The following LRRC4C variants were observed in gnomAD, a reference collection of about 807,000 sequenced individuals.
LRRC4C encodes leucine-rich repeat-containing protein 4C.
Under a neutral mutation model 33.6 loss-of-function variants are expected in LRRC4C, and 5 were observed. That is an observed-to-expected ratio of 0.15 (90% CI 0.08 to 0.31). The LOEUF is 0.31. Ranked by LOEUF, LRRC4C falls within the 10% of genes least tolerant of loss-of-function variation. LRRC4C has a pLI of 1.00. For missense variants in LRRC4C, 560 were observed against 796.7 expected, an observed-to-expected ratio of 0.70 and a Z score of 3.58; for synonymous variants, 329 against 302.0, an observed-to-expected ratio of 1.09 and a Z score of -0.93.
intron 3 of LRRC4C, among the ~76,000 whole-genome samples, chr11:40,355,411 T>C (rs981622320): frequency 6.6e-6 from 1 of 152,250 alleles, no homozygotes; most frequent in Middle Eastern, 3.4e-3. Flanking sequence ...ATTATAACCC[T>C]TGTAGCCTAA....
chr11:40,911,875 C>T (rs181177500), intron 2 of LRRC4C, among the ~76,000 whole-genome samples: 49 of 152,266 alleles, frequency 3.2e-4, no homozygotes, highest in Admixed American at 3.3e-4. Flanking sequence ...CTGAAAACCA[C>T]GGCACAAGAA....
intron 2 of LRRC4C, among the ~76,000 whole-genome samples, chr11:40,857,692 A>T (rs1565140083): frequency 6.6e-6 from 1 of 152,258 alleles, no homozygotes; most frequent in Non-Finnish European, 1.5e-5. Context: ...AGGCAGGTAG[A>T]TTACTTGACC....
At chr11:41,070,565 G>A (rs1423044587) in intron 1 of LRRC4C, among the ~76,000 whole-genome samples, 1 of 151,572 alleles carries the variant, frequency 6.6e-6, no homozygotes, top group Non-Finnish European at 1.5e-5. Flanking sequence ...TTAAACAAAT[G>A]TACAATAACA....
chr11:40,212,150 A>T (rs1248993162), intron 5 of LRRC4C, among the ~76,000 whole-genome samples: 2 of 152,208 alleles, frequency 1.3e-5, no homozygotes, highest in Non-Finnish European at 2.9e-5. Flanking sequence ...TGAGTAGTAA[A>T]TGTGGAAACC....
chr11:40,355,871 C>G (rs1389061139), intron 3 of LRRC4C, among the ~76,000 whole-genome samples: 1 of 152,084 alleles, frequency 6.6e-6, no homozygotes, highest in African/African-American at 2.4e-5. Flanking sequence ...GAGAGACAAT[C>G]ACTAGAAGAT....
intron 4 of LRRC4C, 51 bp downstream of exon 4, chr11:40,319,577 C>A (rs1025421707): frequency 6.6e-6 from 1 of 152,014 alleles, no homozygotes; most frequent in Non-Finnish European, 1.5e-5. Flanking sequence ...TGAACTAGAG[C>A]AGCTAGAATG....
intron 2 of LRRC4C, among the ~76,000 whole-genome samples, chr11:40,747,716 A>G (rs1172433362): frequency 6.6e-6 from 1 of 152,126 alleles, no homozygotes; most frequent in Admixed American, 6.5e-5. Flanking sequence ...AAGATATCAT[A>G]AAAAAGGAAT....
chr11:40,881,181 T>C (rs1955156816), intron 2 of LRRC4C, among the ~76,000 whole-genome samples: 1 of 152,096 alleles, frequency 6.6e-6, no homozygotes, highest in South Asian at 2.1e-4. Flanking sequence ...TTGGGGGAAC[T>C]AAAAATAAAT....
intron 5 of LRRC4C, among the ~76,000 whole-genome samples, chr11:40,203,140 A>G (rs1226271893): frequency 1.3e-5 from 2 of 152,124 alleles, no homozygotes; most frequent in African/African-American, 4.8e-5. Flanking sequence ...AAATTCAATC[A>G]TCCCTTTGTT....
chr11:41,158,730 C>T (rs931361644), intron 1 of LRRC4C, among the ~76,000 whole-genome samples: 1 of 152,046 alleles, frequency 6.6e-6, no homozygotes, highest in African/African-American at 2.4e-5. Flanking sequence ...CAGATATTAC[C>T]TAAATTAAAC....
intron 1 of LRRC4C, among the ~76,000 whole-genome samples, chr11:41,450,676 A>G (rs887782544): frequency 6.6e-6 from 1 of 152,144 alleles, no homozygotes; most frequent in East Asian, 1.9e-4. Context: ...GAAATACCAT[A>G]GAATTAAATG....
intron 6 of LRRC4C, 80 bp from the exon 7 acceptor site, chr11:40,116,414 A>G (rs1299058840): frequency 1.5e-5 from 21 of 1,403,074 alleles, no homozygotes; most frequent in Non-Finnish European, 2.0e-5. Flanking sequence ...TCGGTGATAT[A>G]GTGTATCAGC....
At chr11:40,541,361 C>T (rs2135386834) in intron 3 of LRRC4C, among the ~76,000 whole-genome samples, 1 of 152,204 alleles carries the variant, frequency 6.6e-6, no homozygotes, top group East Asian at 1.9e-4. Flanking sequence ...CTCGCCTCAG[C>T]CTCCCAAAAT....
At chr11:40,890,193 T>A (rs1955637040) in intron 2 of LRRC4C, among the ~76,000 whole-genome samples, 1 of 152,182 alleles carries the variant, frequency 6.6e-6, no homozygotes, top group South Asian at 2.1e-4. Flanking sequence ...TCTGTGTTGC[T>A]ATAACAGGAT....
chr11:41,066,407 T>C (rs997667981), intron 1 of LRRC4C, among the ~76,000 whole-genome samples: 4 of 151,924 alleles, frequency 2.6e-5, no homozygotes, highest in African/African-American at 4.8e-5. Context: ...CCAAGAAATA[T>C]GGGATTATGT....
chr11:40,508,318 T>C (rs2138692051), intron 3 of LRRC4C, among the ~76,000 whole-genome samples: 1 of 152,278 alleles, frequency 6.6e-6, no homozygotes, highest in Admixed American at 6.5e-5. Context: ...CAATGAGAAT[T>C]TGTTACTATT....
At chr11:41,210,746 G>A (rs1431303264) in intron 1 of LRRC4C, among the ~76,000 whole-genome samples, 1 of 152,130 alleles carries the variant, frequency 6.6e-6, no homozygotes, top group Non-Finnish European at 1.5e-5. Flanking sequence ...AAAGTCTGTG[G>A]AAAGAAACTG....
intron 5 of LRRC4C, among the ~76,000 whole-genome samples, chr11:40,157,556 T>A (rs1858806719): frequency 6.6e-6 from 1 of 151,618 alleles, no homozygotes; most frequent in South Asian, 2.1e-4. Flanking sequence ...CTCATACAAA[T>A]CAGTAAGAAA....
chr11:41,283,858 T>C (rs571730705), intron 1 of LRRC4C, among the ~76,000 whole-genome samples: 25 of 152,230 alleles, frequency 1.6e-4, no homozygotes, highest in Non-Finnish European at 3.5e-4. Context: ...AAAATACATT[T>C]ATCTTCTCTG....
Sources: allele counts gnomAD v4.1 joint callset (sites outside exome capture counted in the v4.1 genomes callset), GRCh38; gene constraint gnomAD v4.1.1; transcripts MANE v1.5; gene names NCBI Gene and HGNC (gene_info 2026-07-23, HGNC 2026-07-21).